PDXDC1: variants seen among roughly 807,000 people sequenced by gnomAD.
The protein encoded by PDXDC1 is pyridoxal-dependent decarboxylase domain-containing protein 1.
Under a neutral mutation model 100.1 loss-of-function variants are expected in PDXDC1, and 42 were observed. The ratio of observed to expected loss-of-function variants is 0.42; its 90% CI spans 0.33 to 0.54. PDXDC1 has a LOEUF of 0.54. Among genes scored for constraint, PDXDC1 ranks in the 20% least tolerant of loss-of-function variants. The probability of loss-of-function intolerance (pLI) is 0.10; values close to 1 mark genes in which losing one functional copy is unlikely to be tolerated. For missense variants in PDXDC1, 636 were observed against 979.2 expected (o/e 0.65, Z 4.68); for synonymous variants, 260 against 371.7 (o/e 0.70, Z 3.46).
intron 3 of PDXDC1, among the ~76,000 whole-genome samples, chr16:14,999,651 A>G (rs1972735551): frequency 6.6e-6 from 1 of 152,278 alleles, no homozygotes. Context: ...TCTAAGAGGT[A>G]TTTTAATTTG....
chr16:15,073,438 G>C (rs1567199039), intron 16 of PDXDC1, among the ~76,000 whole-genome samples: 1 of 152,100 alleles, frequency 6.6e-6, no homozygotes, highest in Non-Finnish European at 1.5e-5. Flanking sequence ...GCCTGGGTTA[G>C]AGTAAGACCG....
intron 16 of PDXDC1, among the ~76,000 whole-genome samples, chr16:15,081,747 T>C (rs748372111): frequency 6.6e-6 from 1 of 152,264 alleles, no homozygotes; most frequent in Non-Finnish European, 1.5e-5. Context: ...AATTACTGCC[T>C]AAACCAACAT....
intron 3 of PDXDC1, among the ~76,000 whole-genome samples, chr16:14,999,160 A>G (rs1418172585): frequency 6.6e-6 from 1 of 152,268 alleles, no homozygotes; most frequent in African/African-American, 2.4e-5. Context: ...TCTGCCTCCC[A>G]GGTTCAAGTG....
At chr16:15,029,341 G>GATAGCGTTTTGGGCACTGA (rs2042881352) in intron 15 of PDXDC1, 1 of 533,502 alleles carries the variant, frequency 1.9e-6, no homozygotes, top group African/African-American at 1.9e-5. Flanking sequence ...CCTGCACTTT[G>GATAGCGTTTTGGGCACTGA]ATAGCGTTTT....
chr16:15,079,783 G>C (rs982756823), intron 16 of PDXDC1, among the ~76,000 whole-genome samples: 12 of 152,250 alleles, frequency 7.9e-5, no homozygotes, highest in Admixed American at 3.9e-4. Context: ...TTTTTATAGA[G>C]ACGGGGTTTC....
intron 16 of PDXDC1, among the ~76,000 whole-genome samples, chr16:15,099,419 C>CAAAA (rs768689960): frequency 2.4e-5 from 1 of 40,934 alleles, no homozygotes; most frequent in African/African-American, 9.9e-5. Context: ...GACTTGGTCT[C>CAAAA]AAAAAAAAAA....
chr16:15,038,458 AAGTTACTACCCGCC>A (rs1421114116), downstream of PDXDC1: 2 of 665,064 alleles, frequency 3.0e-6, no homozygotes, highest in African/African-American at 1.8e-5. Context: ...GGCATCCAAA[AAGTTACTACCCGCC>A]AAAGGGAAAG....
intron 16 of PDXDC1, among the ~76,000 whole-genome samples, chr16:15,122,156 T>G (rs1310817926): frequency 1.3e-5 from 2 of 152,026 alleles, no homozygotes; most frequent in Admixed American, 6.6e-5. Flanking sequence ...AGAGTGAGAC[T>G]CTGTCTAAAA....
At chr16:15,090,153 T>G (rs1382817067) in intron 16 of PDXDC1, among the ~76,000 whole-genome samples, 7 of 151,876 alleles carry the variant, frequency 4.6e-5, no homozygotes, top group African/African-American at 1.2e-4. Flanking sequence ...AAGGTTGCAG[T>G]GAGCCCAGAT....
At chr16:15,094,188 C>T (rs375118277) in intron 16 of PDXDC1, 37 of 1,601,198 alleles carry the variant, frequency 2.3e-5, no homozygotes, top group Non-Finnish European at 2.9e-5. Flanking sequence ...GAGGACGAAG[C>T]GGCCGCATCT....
chr16:15,144,248 G>A (rs1410132971), downstream of PDXDC1, among the ~76,000 whole-genome samples: 1 of 152,196 alleles, frequency 6.6e-6, no homozygotes, highest in Non-Finnish European at 1.5e-5. Context: ...CCCCTTCCTC[G>A]CTGGGCCAGC....
intron 16 of PDXDC1, chr16:15,094,373 G>C (rs962041736): frequency 7.7e-6 from 6 of 774,562 alleles, no homozygotes; most frequent in South Asian, 6.3e-5. Flanking sequence ...GTATGCTCTC[G>C]GCGGGCTAGA....
intron 16 of PDXDC1, chr16:15,061,560 C>T: frequency 4.1e-6 from 2 of 484,334 alleles, no homozygotes; most frequent in Non-Finnish European, 7.4e-6. Flanking sequence ...GTAAGGGGAA[C>T]AACAACAACA....
At chr16:14,980,745 A>G (rs6498530) in intron 1 of PDXDC1, among the ~76,000 whole-genome samples, 148,630 of 152,350 alleles carry the variant, frequency 0.98, 72,462 homozygotes, top group East Asian at 1. Flanking sequence ...GATTACAGGC[A>G]TGAGCCACCG....
At position 15,106,493 on chromosome 16, in the gene PDXDC1, T is replaced by C. The variant is rs374898258; in HGVS notation, c.1400-32386T>C. ...AGTCTGAGCCGGTCACGGTGGCTGA[T>C]GCCTGTAATCCCAGCACTCTGGGAG... On this transcript the variant is annotated intron_variant, in intron 16 of 16. Coordinates refer to the PDXDC1 transcript ENST00000535621. 4.2e-3 allele frequency among the ~76,000 whole-genome samples: 637 copies of C among 149,972 alleles called. 12 individuals carry two copies. The highest frequency in any genetic ancestry group is 0.017 in the Middle Eastern group (5 of 294).
At chr16:15,080,931 C>G (rs1454910980) in intron 16 of PDXDC1, among the ~76,000 whole-genome samples, 4 of 151,578 alleles carry the variant, frequency 2.6e-5, no homozygotes, top group Admixed American at 2.0e-4. Flanking sequence ...GAGTCATACA[C>G]AGTTTGTGGC....
downstream of PDXDC1, among the ~76,000 whole-genome samples, chr16:15,141,749 C>T (rs1321504156): frequency 2.0e-5 from 3 of 152,230 alleles, no homozygotes; most frequent in Non-Finnish European, 4.4e-5. Context: ...ACACCATCCC[C>T]GCCGTGGGGT....
At position 15,130,607 on chromosome 16, in the gene PDXDC1, C is replaced by T. The variant is rs745875821; in HGVS notation, c.1400-8272C>T. 14 of 1,370,776 alleles carry T rather than the reference C, an allele frequency of 1.0e-5. No individual in the cohort carries two copies. In the South Asian group the frequency reaches 1.6e-4, roughly 16 times the overall value. The allele number at this position is 1,370,776 out of a possible 1,614,324, so 84.9% of individuals were successfully genotyped here. On this transcript the variant is annotated intron_variant, in intron 16 of 16. Coordinates refer to the PDXDC1 transcript ENST00000535621. The stretch of plus-strand genomic sequence containing the variant: ...TGCTGACCCATGATGCCCTGCCCTG[C>T]CCTGCCAGGCCGGCCCGCAGAGCTC...
chr16:15,013,353 A>AC (rs2041495563), intron 8 of PDXDC1, among the ~76,000 whole-genome samples: 1 of 146,282 alleles, frequency 6.8e-6, no homozygotes, highest in African/African-American at 2.5e-5. Context: ...TATCTCAAAA[A>AC]AAAAAGAAAA....
Sources: allele counts gnomAD v4.1 joint callset (sites outside exome capture counted in the v4.1 genomes callset), GRCh38; gene constraint gnomAD v4.1.1; transcripts MANE v1.5; gene names NCBI Gene and HGNC (gene_info 2026-07-23, HGNC 2026-07-21).